The following KAZN variants were observed in gnomAD, a reference collection of about 807,000 sequenced individuals.
KAZN encodes kazrin.
A neutral mutation model predicts 87.4 loss-of-function variants in KAZN; 40 were observed. That is an observed-to-expected ratio of 0.46 (90% CI 0.36 to 0.60). The LOEUF is 0.60. Among genes scored for constraint, KAZN ranks in the 20% least tolerant of loss-of-function variants. The pLI is 0.00. For synonymous variants in KAZN, 466 were observed against 458.3 expected, an observed-to-expected ratio of 1.02 and a Z score of -0.22; for missense variants, 898 against 1,073.9, an observed-to-expected ratio of 0.84 and a Z score of 2.29.
chr1:14,545,927 A>G (rs1673112019), intron 2 of KAZN, among the ~76,000 whole-genome samples: 1 of 152,142 alleles, frequency 6.6e-6, no homozygotes, highest in Admixed American at 6.5e-5. Context: ...TGAGACAGGG[A>G]AGTATGATCC....
intron 1 of KAZN, among the ~76,000 whole-genome samples, chr1:14,673,157 G>T (rs935303271): frequency 6.6e-6 from 1 of 152,212 alleles, no homozygotes; most frequent in Middle Eastern, 3.2e-3. Flanking sequence ...TTACAGGGCA[G>T]CAAGAGACGG....
chr1:14,295,150 T>A (rs910023142), intron 2 of KAZN, among the ~76,000 whole-genome samples: 1 of 152,138 alleles, frequency 6.6e-6, no homozygotes, highest in Non-Finnish European at 1.5e-5. Context: ...ATCAGATGGC[T>A]TTCCTTTGCT....
rs147012365 is a variant in KAZN at position 14,241,856 on chromosome 1, T to A, written c.249+61264T>A. ...ATCTGTCTCTTAAAAAAATTCCAACTTTCTGAGAGCAGAGTATGATGTTTG... is the reference window on the plus strand; with the variant it reads ...ATCTGTCTCTTAAAAAAATTCCAACATTCTGAGAGCAGAGTATGATGTTTG... On this transcript the variant is annotated intron_variant, in intron 2 of 16. Coordinates refer to the KAZN transcript ENST00000636203. Among the ~76,000 whole-genome samples, 14 of 152,356 alleles carry A rather than the reference T, an allele frequency of 9.2e-5. No homozygotes were observed. In the East Asian group the frequency reaches 2.5e-3, roughly 27 times the overall value.
rs376669405 is a variant in KAZN at position 14,333,332 on chromosome 1, T to C, written c.249+152740T>C. Among the ~76,000 whole-genome samples, 96 of 152,350 alleles carry C rather than the reference T, an allele frequency of 6.3e-4. 2 individuals are homozygous for C. The East Asian group carries it at 0.014, about 22-fold the overall frequency. On this transcript the variant is annotated intron_variant, in intron 2 of 16. Transcript: ENST00000636203. ...TCCATGTCTTTGCTATTGTGAATAG[T>C]GCTGCAGTGAACATGCATATACATG...
rs536899926 is a variant in KAZN, at chr1:13,977,309, T to A, written c.91+83553T>A. On this transcript the variant is annotated intron_variant, in intron 1 of 16. Coordinates refer to the KAZN transcript ENST00000636203. ...GACTTCAGTGGTTTTTCTTGTGACA[T>A]AATTTAAATCCCCTATGACTCAGTT... Among the ~76,000 whole-genome samples, 4 of 152,356 alleles carry A rather than the reference T, an allele frequency of 2.6e-5. No homozygotes were observed. The South Asian group carries it at 8.3e-4, about 32-fold the overall frequency.
chr1:14,347,467 G>A (rs955291988), intron 2 of KAZN, among the ~76,000 whole-genome samples: 10 of 152,094 alleles, frequency 6.6e-5, no homozygotes, highest in East Asian at 1.9e-4. Flanking sequence ...AGATCCACCC[G>A]GGTCCCCAGC....
intron 1 of KAZN, among the ~76,000 whole-genome samples, chr1:14,813,830 G>A (rs760580786): frequency 5.3e-5 from 8 of 152,140 alleles, no homozygotes; most frequent in Non-Finnish European, 1.0e-4. Context: ...CCTCATTCAG[G>A]GGTCGTGTTG....
chr1:14,759,407 A>G (rs1352192389), intron 1 of KAZN, among the ~76,000 whole-genome samples: 1 of 152,192 alleles, frequency 6.6e-6, no homozygotes, highest in East Asian at 1.9e-4. Flanking sequence ...CCCCTGTTGG[A>G]GAGCACTGTT....
rs1474723187 is a variant in KAZN, at chr1:13,997,762, A to G, written c.91+104006A>G. On this transcript the variant is annotated intron_variant, in intron 1 of 16. Coordinates refer to the KAZN transcript ENST00000636203. ...TGATTGATTGGAGTACTTGAAGGAG[A>G]CGGAGAGAATAGAAACAAGCTAGAA... Among the ~76,000 whole-genome samples the G allele has an allele frequency of 2.0e-5, 3 of 152,150 alleles. 1 individual carries two copies. The highest frequency in any genetic ancestry group is 4.1e-4 in the South Asian group (2 of 4,828).
chr1:14,004,337 C>T (rs374376635), intron 1 of KAZN, among the ~76,000 whole-genome samples: 430 of 152,302 alleles, frequency 2.8e-3, no homozygotes, highest in African/African-American at 9.9e-3. Context: ...GTTGAGAATA[C>T]ATTCCTATAG....
At chr1:14,270,063 A>C (rs1295056095) in intron 2 of KAZN, among the ~76,000 whole-genome samples, 1 of 152,110 alleles carries the variant, frequency 6.6e-6, no homozygotes, top group East Asian at 1.9e-4. Flanking sequence ...CACCTCCATG[A>C]CCCAAACACC....
intron 2 of KAZN, among the ~76,000 whole-genome samples, chr1:14,990,928 G>A (rs1667288446): frequency 6.6e-6 from 1 of 151,196 alleles, no homozygotes; most frequent in Non-Finnish European, 1.5e-5. Flanking sequence ...TGTAGCCACA[G>A]ACACCCAGGG....
chr1:13,949,547 A>AT (rs33925692), intron 1 of KAZN, among the ~76,000 whole-genome samples: 98,146 of 151,808 alleles, frequency 0.65, 32,197 homozygotes, highest in Middle Eastern at 0.74. Flanking sequence ...TTAGGGTGAG[A>AT]TTTTTTTCCA....
At chr1:14,357,391 C>G (rs1659125547) in intron 2 of KAZN, among the ~76,000 whole-genome samples, 1 of 152,146 alleles carries the variant, frequency 6.6e-6, no homozygotes, top group Admixed American at 6.5e-5. Flanking sequence ...GACTTCCTCT[C>G]TTCCTATTGG....
chr1:14,862,086 A>G (rs1383047424), intron 1 of KAZN, among the ~76,000 whole-genome samples: 1 of 152,220 alleles, frequency 6.6e-6, no homozygotes, highest in Non-Finnish European at 1.5e-5. Context: ...TACAGCGCCT[A>G]TGGTGTGTGA....
chr1:14,687,937 T>A (rs10927502), intron 1 of KAZN, among the ~76,000 whole-genome samples: 3,423 of 152,294 alleles, frequency 0.022, 141 homozygotes, highest in African/African-American at 0.079. Flanking sequence ...GTGCTGTGGC[T>A]CAGTGGTGCC....
At chr1:14,569,930 G>T (rs1171693791) in intron 2 of KAZN, among the ~76,000 whole-genome samples, 2 of 151,778 alleles carry the variant, frequency 1.3e-5, no homozygotes, top group East Asian at 3.9e-4. Context: ...GGCCAATATG[G>T]TGAAACCCCG....
At chr1:13,948,513 T>A (rs1002692702) in intron 1 of KAZN, among the ~76,000 whole-genome samples, 1 of 152,166 alleles carries the variant, frequency 6.6e-6, no homozygotes. Flanking sequence ...CTCTTTTCGG[T>A]GTAAATTACC....
intron 1 of KAZN, among the ~76,000 whole-genome samples, chr1:14,621,775 T>G (rs1209496001): frequency 6.6e-6 from 1 of 152,220 alleles, no homozygotes; most frequent in Non-Finnish European, 1.5e-5. Context: ...ATGTAAGATG[T>G]GACTTTGCGC....
Sources: allele counts gnomAD v4.1 joint callset (sites outside exome capture counted in the v4.1 genomes callset), GRCh38; gene constraint gnomAD v4.1.1; transcripts MANE v1.5; gene names NCBI Gene and HGNC (gene_info 2026-07-23, HGNC 2026-07-21).